The following SHPRH variants were observed in gnomAD, a reference collection of about 807,000 sequenced individuals.
The protein encoded by SHPRH is SNF2 histone linker PHD RING helicase, also known as E3 ubiquitin-protein ligase SHPRH.
SHPRH carries 106 observed loss-of-function variants against 202.5 expected under a neutral mutation model. The observed-to-expected ratio is 0.52, with a 90% confidence interval of 0.45 to 0.62. SHPRH has a LOEUF of 0.62. SHPRH is among the 20% of genes least tolerant of loss of function. The pLI is 0.00. For synonymous variants in SHPRH, 729 were observed against 686.0 expected (o/e 1.06, Z -0.98); for missense variants, 1,710 against 2,020.0 (o/e 0.85, Z 2.94).
At chr6:145,924,313 T>G (rs1290535150) in intron 17 of SHPRH, among the ~76,000 whole-genome samples, 1 of 152,082 alleles carries the variant, frequency 6.6e-6, no homozygotes, top group East Asian at 1.9e-4. Context: ...GTAACCTCTT[T>G]AGATTTTGCT....
chr6:145,930,230 G>A (rs1365892174), intron 14 of SHPRH, among the ~76,000 whole-genome samples: 4 of 152,006 alleles, frequency 2.6e-5, no homozygotes, highest in Non-Finnish European at 5.9e-5. Flanking sequence ...TACTCAAAGA[G>A]GCTTAATGTA....
intron 24 of SHPRH, among the ~76,000 whole-genome samples, chr6:145,911,192 G>A (rs565653268): frequency 1.2e-3 from 189 of 152,006 alleles, no homozygotes; most frequent in Non-Finnish European, 1.7e-3. Context: ...CAAATGATGC[G>A]GTCTTGGCTC....
At chr6:145,858,185 C>T in the SHPRH span, among the ~76,000 whole-genome samples, 2 of 152,052 alleles carry the variant, frequency 1.3e-5, no homozygotes, top group Admixed American at 1.3e-4. Context: ...CCACACCTAC[C>T]ATATAATCCA....
rs1157740253 is a variant in SHPRH, at chr6:145,952,410, C to T, written c.702G>A (p.Met234Ile). The T allele has an allele frequency of 1.9e-6, 3 of 1,610,922 alleles. No individual in the cohort carries two copies. Among genetic ancestry groups the T allele is most frequent in the Admixed American group, 3.3e-5 (2 of 59,740 alleles). ...TCTTCATGAGCTGATTGAACTTTTTCATTCTTGAATTTGCATCACTCAAGA... is the reference window on the plus strand; with the variant it reads ...TCTTCATGAGCTGATTGAACTTTTTTATTCTTGAATTTGCATCACTCAAGA... The part of the protein sequence containing the change: ...LDFLSDANSR[M>I]KKFNQLMKKV... Residue 234 changes from methionine (M) to isoleucine (I), a missense_variant, in exon 3 of 30, where the codon ATG (methionine) becomes ATA (isoleucine). Physicochemically the swap from Met to Ile is conservative, Grantham distance 10. Coordinates refer to ENST00000275233, the MANE Select transcript of SHPRH (RefSeq NM_001042683.3).
chr6:145,949,502 C>T (rs1437210503), intron 4 of SHPRH, among the ~76,000 whole-genome samples: 1 of 151,952 alleles, frequency 6.6e-6, no homozygotes, highest in East Asian at 1.9e-4. Context: ...AAACAAATAC[C>T]ACATGTTCTT....
chr6:145,945,525 C>T lies in SHPRH; in HGVS notation c.1434G>A (p.Arg478=). 1 of 1,613,262 alleles carries T rather than the reference C, an allele frequency of 6.2e-7. No homozygotes were observed. The highest frequency in any genetic ancestry group is 8.5e-7 in the Non-Finnish European group (1 of 1,179,600). Residue 478 remains arginine (R), a synonymous_variant, in exon 8 of 30, where the codon CGG becomes CGA. Coordinates refer to ENST00000275233, the MANE Select transcript of SHPRH (RefSeq NM_001042683.3). ...VSSIYRYDVQ[R]NRSLLKRMLK... is the part of the protein sequence containing the mutation. ...GCATCCGTTTCAAAAGACTCCTGTT[C>T]CGTTGAACATCGTATCTATATATAG...
chr6:145,893,082 T>G (rs2128715281), intron 28 of SHPRH, 133 bp downstream of exon 28: 1 of 572,112 alleles, frequency 1.7e-6, no homozygotes, highest in Non-Finnish European at 2.6e-6. Flanking sequence ...AAATAAATAA[T>G]TAAAAAATGT....
At chr6:145,950,595 TG>T (rs1787877094) in intron 3 of SHPRH, 113 bp from the exon 4 acceptor site, 2 of 901,104 alleles carry the variant, frequency 2.2e-6, no homozygotes, top group African/African-American at 1.7e-5. Flanking sequence ...CCTTGCTCAG[TG>T]TGTTTTGTCA....
intron 16 of SHPRH, 138 bp from the exon 17 acceptor site, chr6:145,924,984 A>G: frequency 1.9e-6 from 1 of 527,728 alleles, no homozygotes; most frequent in East Asian, 3.2e-5. Context: ...AGTATACTGT[A>G]GAGAACATAA....
chr6:145,924,934 C>T (rs545475970), intron 16 of SHPRH, 88 bp from the exon 17 acceptor site: 4 of 984,624 alleles, frequency 4.1e-6, no homozygotes, highest in South Asian at 3.2e-5. Context: ...TCATTTTATA[C>T]ATTTAAAGCT....
At chr6:145,949,607 T>C (rs1001876815) in intron 4 of SHPRH, among the ~76,000 whole-genome samples, 1 of 151,744 alleles carries the variant, frequency 6.6e-6, no homozygotes, top group Admixed American at 6.6e-5. Context: ...GGATGAAAAA[T>C]TACATAGTGG....
chr6:145,867,631 T>TATATATATATATAGAGAGAGAG (rs1554220329), intron 2 of SHPRH, among the ~76,000 whole-genome samples: 2 of 22,318 alleles, frequency 9.0e-5, no homozygotes, highest in African/African-American at 2.2e-4. Flanking sequence ...TATATATATA[T>TATATATATATATAGAGAGAGAG]AGAGAGAGAG....
chr6:145,916,565 C>T (rs1171108354), intron 23 of SHPRH, among the ~76,000 whole-genome samples: 1 of 152,028 alleles, frequency 6.6e-6, no homozygotes, highest in African/African-American at 2.4e-5. Context: ...ATTTGATTTT[C>T]CATCATTATA....
intron 22 of SHPRH, 54 bp from the exon 23 acceptor site, chr6:145,918,286 T>G (rs1200475162): frequency 5.4e-6 from 6 of 1,121,390 alleles, no homozygotes; most frequent in Non-Finnish European, 7.3e-6. Context: ...ACAGTTAAAT[T>G]ATATTAAATA....
chr6:145,895,656 C>T (rs545933042), intron 25 of SHPRH, among the ~76,000 whole-genome samples: 5 of 151,772 alleles, frequency 3.3e-5, no homozygotes, highest in Admixed American at 2.6e-4. Flanking sequence ...TTTCTGTAGC[C>T]CTCAATGAGA....
chr6:145,907,079 C>T (rs1270032467), intron 25 of SHPRH: 1 of 152,080 alleles, frequency 6.6e-6, no homozygotes, highest in East Asian at 1.9e-4. Flanking sequence ...TCTCCAGCTC[C>T]ACATATCAAC....
chr6:145,963,751 C>A lies in SHPRH; in HGVS notation c.-53G>T, dbSNP rs1438314368. On this transcript the variant is annotated 5_prime_UTR_variant, in exon 1 of 30. Transcript: ENST00000275233. ...CCCACTCAGTTATCTTCCGAAAGAC[C>A]CACAAGCGGCTCCCGGAGTCTGAGC... The A allele has an allele frequency of 2.0e-5, 3 of 152,174 alleles. No homozygotes were observed. The highest frequency in any genetic ancestry group is 7.2e-5 in the African/African-American group (3 of 41,442). The allele number at this position is 152,174 out of a possible 1,614,324, so 9.4% of individuals were successfully genotyped here.
chr6:145,863,703 G>A (rs894360864), downstream of SHPRH, among the ~76,000 whole-genome samples: 3 of 152,128 alleles, frequency 2.0e-5, no homozygotes, highest in Admixed American at 1.3e-4. Flanking sequence ...AGTTCAGGAC[G>A]TGGTCAATGT....
intron 2 of SHPRH, among the ~76,000 whole-genome samples, chr6:145,879,526 C>T (rs2128698296): frequency 6.6e-6 from 1 of 152,268 alleles, no homozygotes; most frequent in Non-Finnish European, 1.5e-5. Flanking sequence ...TTCACTATCT[C>T]CTTTGATAGT....
Sources: gnomAD v4.1 joint callset for allele counts (sites outside exome capture counted in the v4.1 genomes callset) on GRCh38, gnomAD v4.1.1 for gene constraint, MANE v1.5 for transcripts, NCBI Gene and HGNC (gene_info 2026-07-23, HGNC 2026-07-21) for gene names.